Variants in RBL1 observed in about 807,000 individuals in gnomAD.
RBL1 encodes RB transcriptional corepressor like 1, also known as retinoblastoma-like protein 1.
A neutral mutation model predicts 123.0 loss-of-function variants in RBL1; 82 were observed. The ratio of observed to expected loss-of-function variants is 0.67; its 90% CI spans 0.56 to 0.80. The LOEUF (loss-of-function observed/expected upper bound fraction) is 0.80. Among genes scored for constraint, RBL1 ranks in the 30% least tolerant of loss-of-function variants. The pLI is 0.00. For missense variants in RBL1, 1,171 were observed against 1,299.6 expected, an observed-to-expected ratio of 0.90 and a Z score of 1.52; for synonymous variants, 405 against 441.3, an observed-to-expected ratio of 0.92 and a Z score of 1.03.
chr20:37,093,269 A>C (rs2065676055), intron 1 of RBL1, among the ~76,000 whole-genome samples: 1 of 151,834 alleles, frequency 6.6e-6, no homozygotes, highest in African/African-American at 2.4e-5. Flanking sequence ...ACCTTTAAAA[A>C]ATTGATTTTA....
intron 1 of RBL1, among the ~76,000 whole-genome samples, chr20:37,093,930 CGT>C (rs2065688514): frequency 6.6e-6 from 1 of 151,556 alleles, no homozygotes; most frequent in Non-Finnish European, 1.5e-5. Flanking sequence ...TGTGAGCCAC[CGT>C]GCGCCCGGCC....
chr20:37,092,698 C>T (rs2065667968), intron 1 of RBL1, among the ~76,000 whole-genome samples: 1 of 151,952 alleles, frequency 6.6e-6, no homozygotes, highest in African/African-American at 2.4e-5. Context: ...CACTATGTTG[C>T]CCAGGCTGGT....
intron 1 of RBL1, among the ~76,000 whole-genome samples, chr20:37,092,415 C>T (rs1390626593): frequency 6.6e-6 from 1 of 152,012 alleles, no homozygotes; most frequent in East Asian, 1.9e-4. Context: ...AGGGCCACTG[C>T]AGTCTTGACT....
intron 17 of RBL1, chr20:37,021,734 C>T (rs1344726299): frequency 1.2e-5 from 2 of 165,310 alleles, no homozygotes; most frequent in Admixed American, 1.2e-4. Context: ...TGAGCCTGCG[C>T]CCGGCCCTTC....
chr20:37,039,091 C>T (rs1413710668), intron 14 of RBL1, among the ~76,000 whole-genome samples: 8 of 151,966 alleles, frequency 5.3e-5, no homozygotes, highest in Admixed American at 1.3e-4. Context: ...AAAATCCAAG[C>T]GCTATATAAT....
chr20:37,058,316 G>C (rs2065046220), intron 9 of RBL1, among the ~76,000 whole-genome samples: 3 of 151,672 alleles, frequency 2.0e-5, no homozygotes, highest in African/African-American at 7.3e-5. Flanking sequence ...AGGAGATCGA[G>C]ACCATCCTGG....
At chr20:37,028,486 G>T (rs1398233855) in intron 16 of RBL1, among the ~76,000 whole-genome samples, 1 of 152,068 alleles carries the variant, frequency 6.6e-6, no homozygotes. Flanking sequence ...CCATGATCAT[G>T]CCACTGCACT....
chr20:37,011,734 C>G (rs776545294), intron 19 of RBL1, among the ~76,000 whole-genome samples: 8 of 152,048 alleles, frequency 5.3e-5, no homozygotes, highest in Non-Finnish European at 1.2e-4. Flanking sequence ...CATGTACAGC[C>G]AGAAATGGGT....
chr20:37,067,944 A>G, intron 3 of RBL1, 42 bp downstream of exon 3: 1 of 1,583,194 alleles, frequency 6.3e-7, no homozygotes, highest in Non-Finnish European at 8.6e-7. Flanking sequence ...CTTAGTTTGT[A>G]TCATAATCTT....
At chr20:37,018,133 T>G in intron 19 of RBL1, 146 bp downstream of exon 19, 1 of 960,788 alleles carries the variant, frequency 1.0e-6, no homozygotes, top group East Asian at 3.2e-5. Flanking sequence ...CACATTCTAA[T>G]CTCAAACTTA....
chr20:37,002,773 A>G (rs2064009751), intron 21 of RBL1, among the ~76,000 whole-genome samples: 1 of 151,152 alleles, frequency 6.6e-6, no homozygotes. Context: ...GCTGGAGTGC[A>G]AAGGGGTGAT....
intron 2 of RBL1, among the ~76,000 whole-genome samples, chr20:37,069,138 T>C (rs1455526596): frequency 6.6e-6 from 1 of 152,246 alleles, no homozygotes; most frequent in Non-Finnish European, 1.5e-5. Flanking sequence ...GTTCACTCAG[T>C]GCTCAATGGT....
chr20:37,057,004 TCTACCTACCTACCTACCTAC>T (rs58869678), intron 9 of RBL1, among the ~76,000 whole-genome samples: 28 of 147,506 alleles, frequency 1.9e-4, no homozygotes, highest in Admixed American at 4.9e-4. Context: ...TATCTATCTA[TCTACCTACCTACCTACCTAC>T]CTACCTACCT....
rs764556524 is a variant in RBL1, at chr20:37,095,821, G to A, written c.108C>T (p.Ala36=). 5.2e-5 allele frequency: 84 copies of A among 1,609,362 alleles called. No individual in the cohort carries two copies. In the Admixed American group the frequency reaches 1.4e-3, roughly 27 times the overall value. ...TGGCAGTAAAGTCGTCCAGGGCTTC[G>A]GCCGCGCTCCCCTCGTCCAGGTTCA... ...QELNLDEGSA[A]EALDDFTAIR... is the part of the protein sequence containing the mutation. The change falls in exon 1 of 22, where the codon GCC becomes GCT. Residue 36 remains alanine, a synonymous_variant. Transcript: ENST00000373664.
rs755842038 is a variant in RBL1 at position 37,095,887 on chromosome 20, G to A, written c.42C>T (p.Val14=). The A allele has an allele frequency of 1.6e-5, 25 of 1,602,610 alleles. No homozygotes were observed. Among genetic ancestry groups the A allele is most frequent in the South Asian group, 6.7e-5 (6 of 89,802 alleles). ...CCTGTAGCGCCTCCCCGGCTGCGGCGACCACCGCCGCCCCCTCAGCGTGGG... is the reference window on the plus strand; with the variant it reads ...CCTGTAGCGCCTCCCCGGCTGCGGCAACCACCGCCGCCCCCTCAGCGTGGG... The part of the protein sequence containing the change: ...DKPHAEGAAV[V]AAAGEALQAL... Residue 14 remains valine, a synonymous_variant, in exon 1 of 22, where the codon GTC becomes GTT. Coordinates refer to ENST00000373664, the MANE Select transcript of RBL1 (RefSeq NM_002895.5).
Position 37,040,268 on chromosome 20 carries a change from G to A in RBL1, c.1788C>T (p.Asn596=). 1 of 1,613,926 alleles carries A rather than the reference G, an allele frequency of 6.2e-7. No homozygotes were observed. The highest frequency in any genetic ancestry group is 8.5e-7 in the Non-Finnish European group (1 of 1,179,918). ...CATTTCCTCCATTTCCTGTTTCAAA[G>A]TTATTTGGGAATATAACCTGTAGAA... ...PTCEEVIFPN[N]FETGNGGNVQ... Residue 596 remains asparagine, a synonymous_variant, in exon 14 of 22, where the codon AAC becomes AAT. Coordinates refer to ENST00000373664, the MANE Select transcript of RBL1 (RefSeq NM_002895.5).
At chr20:37,088,180 G>A (rs1175106204) in intron 2 of RBL1, among the ~76,000 whole-genome samples, 20 of 151,398 alleles carry the variant, frequency 1.3e-4, no homozygotes, top group East Asian at 5.8e-4. Flanking sequence ...CAGGAGAATC[G>A]CTTGAACCCA....
At chr20:37,053,043 G>A (rs2064944543) in intron 11 of RBL1, among the ~76,000 whole-genome samples, 1 of 152,218 alleles carries the variant, frequency 6.6e-6, no homozygotes, top group Non-Finnish European at 1.5e-5. Context: ...AAAATACGTG[G>A]AGAAAAGCTG....
In RBL1 at chr20:37,089,101, C is replaced by T. The variant is rs753195308; in HGVS notation, c.178G>A (p.Ala60Thr). 6.2e-7 allele frequency: 1 copy of T among 1,607,962 alleles called. No homozygotes were observed. The highest frequency in any genetic ancestry group is 8.5e-7 in the Non-Finnish European group (1 of 1,176,824). The change falls in exon 2 of 22, where the codon GCA becomes ACA. Residue 60 changes from alanine to threonine, a missense_variant. By Grantham distance (58) the Ala-to-Thr change is moderately conservative. Transcript: ENST00000373664. ...CGGCATGCAACATATAATGAACATG[C>T]CAACCAGTGTGTAACTTCTCCCTGG... is the stretch of plus-strand genomic sequence containing the variant. ...SLEGEVTHWL[A>T]CSLYVACRKS...
Sources: gnomAD v4.1 joint callset for allele counts (sites outside exome capture counted in the v4.1 genomes callset) on GRCh38, gnomAD v4.1.1 for gene constraint, MANE v1.5 for transcripts, NCBI Gene and HGNC (gene_info 2026-07-23, HGNC 2026-07-21) for gene names.